Variants in ST7 observed in about 807,000 individuals in gnomAD.
ST7 encodes suppression of tumorigenicity 7.
ST7 carries 28 observed loss-of-function variants against 78.7 expected under a neutral mutation model. The ratio of observed to expected loss-of-function variants is 0.36; its 90% confidence interval spans 0.26 to 0.49. The LOEUF (loss-of-function observed/expected upper bound fraction) is 0.49, where lower values mean the gene tolerates loss of function less well. ST7 is among the 20% of genes least tolerant of loss of function. The pLI is 0.99. For missense variants in ST7, 418 were observed against 696.0 expected (o/e 0.60, Z 4.49); for synonymous variants, 247 against 249.6 (o/e 0.99, Z 0.10).
At chr7:117,138,795 A>C (rs951617944) in intron 9 of ST7, among the ~76,000 whole-genome samples, 3 of 152,204 alleles carry the variant, frequency 2.0e-5, no homozygotes, top group Non-Finnish European at 4.4e-5. Flanking sequence ...AATTTTTTCG[A>C]GGACTAAATG....
chr7:117,049,141 A>T (rs1467902987), intron 1 of ST7, among the ~76,000 whole-genome samples: 1 of 152,132 alleles, frequency 6.6e-6, no homozygotes. Context: ...CAGCAGCTTT[A>T]TAGGTAAGGG....
At chr7:117,014,875 G>A in intron 1 of ST7, 2 of 648,422 alleles carry the variant, frequency 3.1e-6, no homozygotes. Context: ...GCAGAAGTGT[G>A]GGTGTGCTTC....
intron 1 of ST7, among the ~76,000 whole-genome samples, chr7:116,958,162 A>T (rs1428098679): frequency 2.1e-5 from 2 of 95,616 alleles, no homozygotes; most frequent in Admixed American, 1.4e-4. Flanking sequence ...TGCGTGGCTA[A>T]TTTTTTTTTT....
At chr7:116,971,715 G>T (rs1344565479) in intron 1 of ST7, among the ~76,000 whole-genome samples, 5 of 152,118 alleles carry the variant, frequency 3.3e-5, no homozygotes, top group Non-Finnish European at 5.9e-5. Context: ...TTGGCTCTCA[G>T]TAAGGCAGGC....
At chr7:117,079,226 T>A (rs150176855) in intron 1 of ST7, among the ~76,000 whole-genome samples, 101 of 152,304 alleles carry the variant, frequency 6.6e-4, no homozygotes, top group African/African-American at 2.3e-3. Context: ...TTATGAGTAA[T>A]CTAGATATGG....
intron 1 of ST7, chr7:117,076,631 C>G (rs1012170732): frequency 6.6e-6 from 1 of 152,448 alleles, no homozygotes; most frequent in Non-Finnish European, 1.5e-5. Flanking sequence ...CCTTCCACCC[C>G]TTGTGGGAGG....
At chr7:117,088,500 G>A (rs1440941745) in intron 1 of ST7, among the ~76,000 whole-genome samples, 1 of 152,074 alleles carries the variant, frequency 6.6e-6, no homozygotes, top group African/African-American at 2.4e-5. Flanking sequence ...TTATTTCCAT[G>A]CATTTTAGAT....
chr7:117,094,451 A>G (rs1217093283), intron 1 of ST7, among the ~76,000 whole-genome samples: 3 of 152,134 alleles, frequency 2.0e-5, no homozygotes, highest in African/African-American at 7.2e-5. Flanking sequence ...CCTGTCCCTT[A>G]TAATTTCCTC....
chr7:116,973,506 C>G (rs1023033745), intron 1 of ST7, among the ~76,000 whole-genome samples: 1 of 152,196 alleles, frequency 6.6e-6, no homozygotes, highest in Non-Finnish European at 1.5e-5. Flanking sequence ...ATGCTACTGC[C>G]TTGGCCTCCC....
chr7:117,206,759 C>T (rs1791797325), intron 12 of ST7, among the ~76,000 whole-genome samples: 1 of 152,162 alleles, frequency 6.6e-6, no homozygotes, highest in Non-Finnish European at 1.5e-5. Flanking sequence ...AGCTACTACC[C>T]TGATGATTCC....
intron 15 of ST7, among the ~76,000 whole-genome samples, chr7:117,229,158 C>T (rs963895845): frequency 6.6e-5 from 10 of 152,316 alleles, no homozygotes; most frequent in African/African-American, 1.9e-4. Context: ...GAGGTGCACT[C>T]GGAACAGCCC....
intron 1 of ST7, among the ~76,000 whole-genome samples, chr7:116,965,345 A>AG (rs1793054992): frequency 6.6e-6 from 1 of 151,744 alleles, no homozygotes; most frequent in African/African-American, 2.4e-5. Flanking sequence ...GTCTCAAAAA[A>AG]AAAAAAAAAA....
At chr7:117,209,635 TTAGTAATTGCCTTCAAATG>T (rs1390498454) in intron 12 of ST7, 133 bp from the exon 13 acceptor site, 2 of 852,126 alleles carry the variant, frequency 2.3e-6, no homozygotes, top group Non-Finnish European at 3.5e-6. Flanking sequence ...GCTGGATGTT[TTAGTAATTGCCTTCAAATG>T]TAGTAATGAG....
Position 117,189,380 on chromosome 7 carries a change from G to T in ST7, c.1138G>T (p.Ala380Ser), listed in dbSNP as rs777818127. ...CYTAALLKAR[A>S]VSDKFSPEAA... ...CACAGCTGCTTTGCTCAAAGCAAGAGCTGTCTCTGACAAGTAAGTGAATAA... is the reference window on the plus strand; with the variant it reads ...CACAGCTGCTTTGCTCAAAGCAAGATCTGTCTCTGACAAGTAAGTGAATAA... The change falls in exon 11 of 16, where the codon GCT (alanine) becomes TCT (serine). Residue 380 changes from alanine (A) to serine (S), a missense_variant. Ala to Ser is a moderately conservative substitution (Grantham distance 99, BLOSUM62 1). Transcript: ENST00000323984. 3 of 1,604,736 alleles carry T rather than the reference G, an allele frequency of 1.9e-6. No individual in the cohort carries two copies. Among genetic ancestry groups the T allele is most frequent in the South Asian group, 2.2e-5 (2 of 89,478 alleles).
intron 1 of ST7, among the ~76,000 whole-genome samples, chr7:117,064,757 G>C (rs551670183): frequency 8.5e-5 from 13 of 152,130 alleles, no homozygotes; most frequent in Non-Finnish European, 1.8e-4. Context: ...TTAAAATACT[G>C]TTTGCTTCCC....
intron 2 of ST7, among the ~76,000 whole-genome samples, chr7:117,101,714 C>T (rs533777417): frequency 1.3e-5 from 2 of 152,286 alleles, no homozygotes; most frequent in South Asian, 4.1e-4. Context: ...GAAGTAGAGT[C>T]CTTAGCATTT....
At chr7:116,993,117 A>C (rs1227379783) in intron 1 of ST7, among the ~76,000 whole-genome samples, 1 of 152,156 alleles carries the variant, frequency 6.6e-6, no homozygotes, top group African/African-American at 2.4e-5. Context: ...GAGCCTTCCA[A>C]ACTGTTTCAG....
intron 8 of ST7, chr7:117,137,322 T>G (rs1443712930): frequency 6.6e-6 from 1 of 152,164 alleles, no homozygotes; most frequent in Admixed American, 6.6e-5. Flanking sequence ...ATATATATGC[T>G]AATAAAGTCT....
intron 7 of ST7, among the ~76,000 whole-genome samples, chr7:117,135,508 G>GT (rs1554440790): frequency 4.0e-5 from 6 of 151,846 alleles, no homozygotes; most frequent in South Asian, 4.2e-4. Context: ...GAAGCACTGT[G>GT]TTTTTTTTCA....
Sources: gnomAD v4.1 joint callset for allele counts (sites outside exome capture counted in the v4.1 genomes callset) on GRCh38, gnomAD v4.1.1 for gene constraint, MANE v1.5 for transcripts, NCBI Gene and HGNC (gene_info 2026-07-23, HGNC 2026-07-21) for gene names.